Variants in TNKS2 observed in about 807,000 individuals in gnomAD.
TNKS2 encodes poly [ADP-ribose] polymerase tankyrase-2.
A neutral mutation model predicts 137.6 loss-of-function variants in TNKS2; 72 were observed. The ratio of observed to expected loss-of-function variants is 0.52; its 90% CI spans 0.43 to 0.64. The LOEUF (loss-of-function observed/expected upper bound fraction) is 0.64, where lower values mean the gene tolerates loss of function less well. Ranked by LOEUF, TNKS2 falls within the 30% of genes least tolerant of loss-of-function variation. The pLI is 0.00. For missense variants in TNKS2, 1,049 were observed against 1,410.2 expected, an observed-to-expected ratio of 0.74 and a Z score of 4.10; for synonymous variants, 516 against 512.1, an observed-to-expected ratio of 1.01 and a Z score of -0.10.
At chr10:91,822,722 C>T (rs1400251758) in intron 7 of TNKS2, among the ~76,000 whole-genome samples, 6 of 151,548 alleles carry the variant, frequency 4.0e-5, no homozygotes, top group South Asian at 2.1e-4. Context: ...GGCGCCATCA[C>T]GCCCAGCTAA....
At chr10:91,799,797 G>A (rs541194757) in intron 1 of TNKS2, among the ~76,000 whole-genome samples, 1 of 152,180 alleles carries the variant, frequency 6.6e-6, no homozygotes, top group Non-Finnish European at 1.5e-5. Context: ...TGAGTCATGC[G>A]TGATTGAAAA....
At chr10:91,799,992 A>G (rs1490722743) in intron 1 of TNKS2, among the ~76,000 whole-genome samples, 1 of 152,168 alleles carries the variant, frequency 6.6e-6, no homozygotes, top group Non-Finnish European at 1.5e-5. Context: ...TATTACTTTT[A>G]CACTTTCTAC....
At chr10:91,836,034 ATTTTTTTTTT>A (rs777452772) in intron 12 of TNKS2, among the ~76,000 whole-genome samples, 2 of 53,524 alleles carry the variant, frequency 3.7e-5, no homozygotes, top group Non-Finnish European at 6.7e-5. Context: ...TGTGTGTGTA[ATTTTTTTTTT>A]TTTTTTTTTT....
chr10:91,811,061 A>G (rs1210501063), intron 1 of TNKS2, among the ~76,000 whole-genome samples: 1 of 148,402 alleles, frequency 6.7e-6, no homozygotes, highest in Admixed American at 6.8e-5. Context: ...TGTAGCTGGG[A>G]TTACAGGCAC....
At chr10:91,850,957 G>A (rs779576917) in intron 20 of TNKS2, among the ~76,000 whole-genome samples, 6 of 152,210 alleles carry the variant, frequency 3.9e-5, no homozygotes, top group Non-Finnish European at 8.8e-5. Context: ...TATATAAATA[G>A]GGTTGGATGT....
chr10:91,813,883 T>C (rs904420379), intron 2 of TNKS2, among the ~76,000 whole-genome samples: 2 of 152,178 alleles, frequency 1.3e-5, no homozygotes, highest in African/African-American at 4.8e-5. Flanking sequence ...GTGTTTATGG[T>C]GATGCTGGGT....
intron 1 of TNKS2, among the ~76,000 whole-genome samples, chr10:91,802,101 T>C (rs976592423): frequency 2.0e-5 from 3 of 152,146 alleles, no homozygotes; most frequent in African/African-American, 7.2e-5. Context: ...TAACACTTAT[T>C]TTATATTTAT....
At position 91,863,837 on chromosome 10, in the gene TNKS2, C is replaced by G. The variant is rs928981157; in HGVS notation, c.*838C>G. On this transcript the variant is annotated 3_prime_UTR_variant, in exon 27 of 27. Transcript: ENST00000371627. The stretch of plus-strand genomic sequence containing the variant: ...CTTCTGTGAAAATTAGAGCAAAGTG[C>G]TCCTGTTTTTTAGAGAAACTAAATC... 6 of 152,106 alleles carry G rather than the reference C, an allele frequency of 3.9e-5. No individual in the cohort carries two copies. Among genetic ancestry groups the G allele is most frequent in the Non-Finnish European group, 8.8e-5 (6 of 68,022 alleles). 9.4% of individuals were successfully genotyped at this position (152,106 alleles called of 1,614,324 possible).
rs754672931 is a variant in TNKS2, at chr10:91,813,063, C to T, written c.280C>T (p.Pro94Ser). 4.3e-6 allele frequency: 7 copies of T among 1,614,138 alleles called. No individual in the cohort carries two copies. In the Admixed American group the frequency reaches 1.2e-4, roughly 27 times the overall value. ...AGCACGTGATGATGGGGGCCTTATT[C>T]CTCTTCATAATGCATGCTCTTTTGG... Reference protein sequence around the residue: ...VQARDDGGLIPLHNACSFGHA... With the variant: ...VQARDDGGLISLHNACSFGHA... The change falls in exon 2 of 27, where the codon CCT becomes TCT. Residue 94 changes from proline to serine, a missense_variant. Pro to Ser is a moderately conservative substitution (Grantham distance 74, BLOSUM62 -1). Transcript: ENST00000371627.
chr10:91,812,844 A>G (rs1420958172), intron 1 of TNKS2, 139 bp from the exon 2 acceptor site: 7 of 1,450,400 alleles, frequency 4.8e-6, no homozygotes, highest in African/African-American at 1.4e-5. Flanking sequence ...ATTTCTGATC[A>G]CCTTTCCATT....
intron 14 of TNKS2, 50 bp downstream of exon 14, chr10:91,840,756 T>G (rs1842187417): frequency 6.6e-7 from 1 of 1,516,948 alleles, no homozygotes; most frequent in East Asian, 2.3e-5. Context: ...TTACTTGACC[T>G]TTTTAGGAAA....
chr10:91,849,458 A>G (rs989305964), intron 19 of TNKS2, 54 bp from the exon 20 acceptor site: 3 of 1,385,818 alleles, frequency 2.2e-6, no homozygotes, highest in Admixed American at 3.7e-5. Context: ...ATAGTGATGA[A>G]ATACATTATT....
At chr10:91,811,278 T>C (rs761145915) in intron 1 of TNKS2, among the ~76,000 whole-genome samples, 1 of 151,676 alleles carries the variant, frequency 6.6e-6, no homozygotes, top group Non-Finnish European at 1.5e-5. Context: ...TTCTTCTGCT[T>C]GGACTGCAGG....
chr10:91,803,490 A>G (rs1484778846), intron 1 of TNKS2, among the ~76,000 whole-genome samples: 1 of 152,186 alleles, frequency 6.6e-6, no homozygotes, highest in Non-Finnish European at 1.5e-5. Context: ...AAAAAATAGA[A>G]AAAGTAGCCA....
At chr10:91,850,169 C>G (rs918335311) in intron 20 of TNKS2, among the ~76,000 whole-genome samples, 1 of 151,476 alleles carries the variant, frequency 6.6e-6, no homozygotes, top group Non-Finnish European at 1.5e-5. Context: ...AGTTCAAGAC[C>G]AGCCTGGCCA....
chr10:91,825,540 T>C (rs1164383887), intron 7 of TNKS2, among the ~76,000 whole-genome samples: 2 of 152,186 alleles, frequency 1.3e-5, no homozygotes, highest in East Asian at 3.8e-4. Context: ...TAGATGAAAG[T>C]TAAAAGTGCA....
intron 25 of TNKS2, among the ~76,000 whole-genome samples, chr10:91,861,376 A>AT (rs1256624919): frequency 2.0e-5 from 3 of 152,206 alleles, no homozygotes; most frequent in Admixed American, 6.5e-5. Context: ...CAGAATTTGG[A>AT]TTTTCTCCCA....
At chr10:91,851,964 C>CA (rs1455834912) in intron 21 of TNKS2, among the ~76,000 whole-genome samples, 1 of 152,226 alleles carries the variant, frequency 6.6e-6, no homozygotes, top group African/African-American at 2.4e-5. Context: ...CGCGGTGGCT[C>CA]ACGCCTGTAA....
intron 3 of TNKS2, 116 bp downstream of exon 3, chr10:91,817,345 C>T: frequency 1.7e-6 from 1 of 582,726 alleles, no homozygotes; most frequent in Middle Eastern, 3.2e-4. Flanking sequence ...AGTGTCAGTT[C>T]AGTAGCTATC....
Sources: allele counts gnomAD v4.1 joint callset (sites outside exome capture counted in the v4.1 genomes callset), GRCh38; gene constraint gnomAD v4.1.1; transcripts MANE v1.5; gene names NCBI Gene and HGNC (gene_info 2026-07-23, HGNC 2026-07-21).